The following GKAP1 variants were observed in gnomAD, a reference collection of about 807,000 sequenced individuals.
GKAP1 encodes G kinase-anchoring protein 1.
GKAP1 carries 31 observed loss-of-function variants against 56.7 expected under a neutral mutation model. The ratio of observed to expected loss-of-function variants is 0.55; its 90% CI spans 0.41 to 0.74. GKAP1 has a LOEUF of 0.74. Among genes scored for constraint, GKAP1 ranks in the 30% least tolerant of loss-of-function variants. The pLI, the probability that GKAP1 is intolerant of heterozygous loss-of-function variation, is 0.00. For missense variants in GKAP1, 364 were observed against 402.3 expected, an observed-to-expected ratio of 0.90 and a Z score of 0.82; for synonymous variants, 151 against 138.6, an observed-to-expected ratio of 1.09 and a Z score of -0.63.
chr9:83,763,704 G>A (rs185394622), intron 8 of GKAP1, among the ~76,000 whole-genome samples: 10 of 152,076 alleles, frequency 6.6e-5, no homozygotes, highest in African/African-American at 2.4e-4. Flanking sequence ...TCTTTTCTGG[G>A]GCTCACCATT....
Position 83,739,665 on chromosome 9 carries a change from A to C in GKAP1, c.*32T>G, listed in dbSNP as rs1473951099. Reference sequence around the variant, plus strand: ...AACTTTGCAAAATCCTGGAAGTTTTAAACTTTGTGTTGACTTCAAAGGCTA... The same window carrying C: ...AACTTTGCAAAATCCTGGAAGTTTTCAACTTTGTGTTGACTTCAAAGGCTA... On this transcript the variant is annotated 3_prime_UTR_variant, in exon 13 of 13. Coordinates refer to ENST00000376371, the MANE Select transcript of GKAP1 (RefSeq NM_025211.4). The C allele has an allele frequency of 6.4e-6, 10 of 1,571,378 alleles. No homozygotes were observed. The highest frequency in any genetic ancestry group is 8.6e-6 in the Non-Finnish European group (10 of 1,157,038).
At chr9:83,789,429 T>G (rs557957219) in intron 4 of GKAP1, among the ~76,000 whole-genome samples, 1 of 152,176 alleles carries the variant, frequency 6.6e-6, no homozygotes, top group Non-Finnish European at 1.5e-5. Context: ...GTGAGTGGGT[T>G]TGCAGCTGTA....
At chr9:83,779,982 G>T (rs1416906659) in intron 7 of GKAP1, among the ~76,000 whole-genome samples, 1 of 151,898 alleles carries the variant, frequency 6.6e-6, no homozygotes, top group Non-Finnish European at 1.5e-5. Context: ...AAGAATCACA[G>T]TTTATTTCAA....
At chr9:83,812,336 T>C (rs559545243) in intron 2 of GKAP1, among the ~76,000 whole-genome samples, 5 of 148,262 alleles carry the variant, frequency 3.4e-5, no homozygotes, top group Admixed American at 2.7e-4. Context: ...CACACGTATA[T>C]ATATACACGT....
intron 10 of GKAP1, among the ~76,000 whole-genome samples, chr9:83,747,237 A>C (rs11140232): frequency 6.6e-6 from 1 of 152,226 alleles, no homozygotes; most frequent in African/African-American, 2.4e-5. Context: ...AGGTATATAC[A>C]CAGTGAGAAA....
In GKAP1 at chr9:83,780,402, G is replaced by A; in HGVS notation, c.565C>T (p.His189Tyr). The A allele has an allele frequency of 8.6e-7, 1 of 1,157,726 alleles. No homozygotes were observed. Among genetic ancestry groups the A allele is most frequent in the Non-Finnish European group, 1.2e-6 (1 of 863,678 alleles). The allele number at this position is 1,157,726 out of a possible 1,614,324, so 71.7% of individuals were successfully genotyped here. A position where few individuals can be genotyped will look rare whatever the true frequency, so the allele number is the denominator to read the frequency against. Residue 189 changes from histidine (H) to tyrosine (Y), a missense_variant and splice_region_variant, in exon 7 of 13, where the codon CAC (histidine) becomes TAC (tyrosine). By Grantham distance (83) the His-to-Tyr change is moderately conservative (BLOSUM62 2). Transcript: ENST00000376371. ...CTTACCTCAGTCTTTTTACTAATGT[G>A]ATCTGTAAATGAAAAAGAAACAAAG... ...VSLKDFHSEDHISKKTEELSS... is the reference protein window; with the variant it reads ...VSLKDFHSEDYISKKTEELSS...
intron 6 of GKAP1, among the ~76,000 whole-genome samples, chr9:83,784,283 A>G (rs956565974): frequency 6.7e-6 from 1 of 149,910 alleles, no homozygotes; most frequent in Non-Finnish European, 1.5e-5. Flanking sequence ...GAAAAAAAAA[A>G]AGAAGAATTT....
At chr9:83,785,701 C>T (rs1363907267) in intron 5 of GKAP1, among the ~76,000 whole-genome samples, 1 of 152,170 alleles carries the variant, frequency 6.6e-6, no homozygotes, top group Non-Finnish European at 1.5e-5. Flanking sequence ...GTCATTCCCC[C>T]ATCTCCCTTT....
intron 2 of GKAP1, 39 bp downstream of exon 2, chr9:83,816,957 G>A (rs1225435902): frequency 2.0e-5 from 3 of 152,216 alleles, no homozygotes; most frequent in African/African-American, 7.2e-5. Context: ...TGGCGGGGGA[G>A]GAGGAGGAGC....
chr9:83,762,008 C>T lies in GKAP1; in HGVS notation c.738+6810G>A, dbSNP rs948711473. On this transcript the variant is annotated intron_variant, in intron 8 of 12. Transcript: ENST00000376371. ...TAAGATCTGGAACAAGACAAGGATGCCCACTTTCACCCTGTTATTCAACGT... is the reference window on the plus strand; with the variant it reads ...TAAGATCTGGAACAAGACAAGGATGTCCACTTTCACCCTGTTATTCAACGT... 8.7e-5 allele frequency among the ~76,000 whole-genome samples: 13 copies of T among 149,060 alleles called. No individual in the cohort carries two copies. In the South Asian group the frequency reaches 1.1e-3, roughly 12 times the overall value.
intron 7 of GKAP1, among the ~76,000 whole-genome samples, chr9:83,771,493 T>G (rs1424535355): frequency 2.0e-5 from 3 of 152,170 alleles, no homozygotes; most frequent in Non-Finnish European, 2.9e-5. Flanking sequence ...GTAAAGTGTT[T>G]GAAAAAAATT....
chr9:83,797,525 A>G (rs1944266836), intron 4 of GKAP1, among the ~76,000 whole-genome samples: 1 of 152,158 alleles, frequency 6.6e-6, no homozygotes, highest in African/African-American at 2.4e-5. Flanking sequence ...GATCTACTCT[A>G]CTTCCACACA....
At chr9:83,783,770 T>G (rs900548603) in intron 6 of GKAP1, among the ~76,000 whole-genome samples, 2 of 152,216 alleles carry the variant, frequency 1.3e-5, no homozygotes, top group African/African-American at 4.8e-5. Flanking sequence ...AGGAAAAAAA[T>G]ATGTTTCAAG....
intron 4 of GKAP1, among the ~76,000 whole-genome samples, chr9:83,792,728 T>C (rs538857493): frequency 2.6e-5 from 4 of 152,202 alleles, no homozygotes; most frequent in South Asian, 2.1e-4. Context: ...AGTAAATGTA[T>C]AGGTAAAAGA....
intron 2 of GKAP1, 75 bp from the exon 3 acceptor site, chr9:83,806,635 T>C: frequency 1.3e-6 from 1 of 798,244 alleles, no homozygotes; most frequent in Admixed American, 3.1e-5. Context: ...AAAACAACCA[T>C]ATGTAGATAA....
intron 7 of GKAP1, among the ~76,000 whole-genome samples, chr9:83,774,606 A>G (rs1943820619): frequency 6.6e-6 from 1 of 151,468 alleles, no homozygotes; most frequent in African/African-American, 2.4e-5. Flanking sequence ...AAAAAAAAAA[A>G]GCCAATTGTA....
At chr9:83,791,448 C>T (rs1215140034) in intron 4 of GKAP1, among the ~76,000 whole-genome samples, 2 of 151,114 alleles carry the variant, frequency 1.3e-5, no homozygotes. Flanking sequence ...AAAGTAAAAA[C>T]ATATGGCCCT....
rs371816417 is a variant in GKAP1, at chr9:83,815,073, G to A, written c.-44+1923C>T. Reference sequence around the variant, plus strand: ...TGTAGTCCCAGCTACTCGGGAGGCTGAGGCAGGAGAATCGCTTGAACCAGG... The same window carrying A: ...TGTAGTCCCAGCTACTCGGGAGGCTAAGGCAGGAGAATCGCTTGAACCAGG... On this transcript the variant is annotated intron_variant, in intron 2 of 12. Transcript: ENST00000376371. 1.3e-5 allele frequency among the ~76,000 whole-genome samples: 2 copies of A among 152,298 alleles called. 1 individual carries two copies.
At chr9:83,741,847 G>A (rs1943214192) in intron 12 of GKAP1, 105 bp downstream of exon 12, 1 of 654,828 alleles carries the variant, frequency 1.5e-6, no homozygotes, top group Admixed American at 3.1e-5. Context: ...TATATTTAGT[G>A]AATAAATTTT....
Sources: allele counts gnomAD v4.1 joint callset (sites outside exome capture counted in the v4.1 genomes callset), GRCh38; gene constraint gnomAD v4.1.1; transcripts MANE v1.5; gene names NCBI Gene and HGNC (gene_info 2026-07-23, HGNC 2026-07-21).